CSNK1G1: variants seen among roughly 807,000 people sequenced by gnomAD.
CSNK1G1 encodes casein kinase I isoform gamma-1.
A neutral mutation model predicts 59.6 loss-of-function variants in CSNK1G1; 22 were observed. The observed-to-expected ratio is 0.37, with a 90% CI of 0.26 to 0.53. CSNK1G1 has a LOEUF of 0.53. Ranked by LOEUF, CSNK1G1 falls within the 20% of genes least tolerant of loss-of-function variation. CSNK1G1 has a pLI of 0.89. For missense variants in CSNK1G1, 384 were observed against 519.5 expected (o/e 0.74, Z 2.54); for synonymous variants, 179 against 177.1 (o/e 1.01, Z -0.08).
At chr15:64,339,565 G>A (rs11071792) in intron 1 of CSNK1G1, among the ~76,000 whole-genome samples, 33,582 of 152,004 alleles carry the variant, frequency 0.22, 5,533 homozygotes, top group East Asian at 0.8. Flanking sequence ...CACCCGCCTC[G>A]GCCTCCCAAA....
rs1019166896 is a variant in CSNK1G1, at chr15:64,200,220, A to C, written c.1107+2862T>G. ...AGATCATGCTCCAGCCTTGGTGATA[A>C]GAGCTAAACTCTGTCTCAAAAAAAA... On this transcript the variant is annotated intron_variant, in intron 10 of 11. Transcript: ENST00000303052. This position sits in a 1 kb window ranked among gnomAD's most constrained non-coding sequence, Gnocchi z 4.3. Among the ~76,000 whole-genome samples the C allele has an allele frequency of 2.0e-5, 3 of 152,104 alleles. No homozygotes were observed. Among genetic ancestry groups the C allele is most frequent in the African/African-American group, 7.2e-5 (3 of 41,430 alleles).
At chr15:64,314,512 T>G (rs1424536949) in intron 1 of CSNK1G1, among the ~76,000 whole-genome samples, 1 of 150,684 alleles carries the variant, frequency 6.6e-6, no homozygotes, top group Non-Finnish European at 1.5e-5. Context: ...ATTTATTCTC[T>G]CAGCAATTTT....
intron 10 of CSNK1G1, among the ~76,000 whole-genome samples, chr15:64,191,509 T>C (rs2081970349): frequency 6.6e-6 from 1 of 152,230 alleles, no homozygotes; most frequent in South Asian, 2.1e-4. Flanking sequence ...TCTGGTTTTA[T>C]GCTATTGTCT....
chr15:64,283,372 T>G (rs1566933042), intron 2 of CSNK1G1, among the ~76,000 whole-genome samples: 1 of 151,866 alleles, frequency 6.6e-6, no homozygotes, highest in Admixed American at 6.6e-5. Context: ...AGACGGAGCC[T>G]CACTCTGTCA....
chr15:64,240,731 G>A (rs1223186907), intron 4 of CSNK1G1, among the ~76,000 whole-genome samples: 1 of 151,988 alleles, frequency 6.6e-6, no homozygotes, highest in Non-Finnish European at 1.5e-5. Context: ...TCCCAGACAA[G>A]CAAAAACTGA....
intron 4 of CSNK1G1, among the ~76,000 whole-genome samples, chr15:64,234,317 T>G (rs1434148196): frequency 6.6e-6 from 1 of 152,160 alleles, no homozygotes; most frequent in Non-Finnish European, 1.5e-5. Context: ...AAAATTAGGT[T>G]GCTGTTGCCC....
chr15:64,180,247 G>A (rs1298509362), intron 11 of CSNK1G1, 101 bp downstream of exon 11: 1 of 850,314 alleles, frequency 1.2e-6, no homozygotes, highest in Non-Finnish European at 2.0e-6. Flanking sequence ...GTGGTTACAA[G>A]CATGAGAAAT....
chr15:64,204,613 C>T (rs756776559), intron 8 of CSNK1G1, 24 bp from the exon 9 acceptor site: 1 of 1,608,916 alleles, frequency 6.2e-7, no homozygotes. Flanking sequence ...GATGAAAGGC[C>T]CTGCTCATTA....
intron 10 of CSNK1G1, among the ~76,000 whole-genome samples, chr15:64,194,580 C>T (rs112220010): frequency 0.046 from 6,542 of 143,238 alleles, 189 homozygotes; most frequent in South Asian, 0.084. Flanking sequence ...TGCAGTGGTG[C>T]GATCTCGGCT....
chr15:64,273,948 T>C (rs777331060), intron 2 of CSNK1G1, among the ~76,000 whole-genome samples: 1 of 152,200 alleles, frequency 6.6e-6, no homozygotes, highest in Non-Finnish European at 1.5e-5. Context: ...AAATTCTCAC[T>C]AAACCTAAAA....
intron 1 of CSNK1G1, among the ~76,000 whole-genome samples, chr15:64,321,641 A>G (rs970791369): frequency 7.2e-5 from 11 of 152,202 alleles, no homozygotes; most frequent in Non-Finnish European, 2.9e-5. Flanking sequence ...ATTACTAAAG[A>G]TCTATGGGCT....
At chr15:64,180,278 C>T (rs539439456) in intron 11 of CSNK1G1, 70 bp downstream of exon 11, 10 of 1,113,320 alleles carry the variant, frequency 9.0e-6, no homozygotes, top group African/African-American at 7.6e-5. Flanking sequence ...ACGAGCAGCA[C>T]ACAGAGAGGA....
intron 2 of CSNK1G1, among the ~76,000 whole-genome samples, chr15:64,278,377 C>CGTGTGTGTGTGT (rs56064136): frequency 6.1e-4 from 68 of 111,482 alleles, no homozygotes; most frequent in Non-Finnish European, 8.9e-4. Flanking sequence ...CATGTATGTG[C>CGTGTGTGTGTGT]GTGTGTGTGT....
intron 1 of CSNK1G1, among the ~76,000 whole-genome samples, chr15:64,323,288 T>A (rs1284433777): frequency 6.6e-6 from 1 of 152,166 alleles, no homozygotes; most frequent in African/African-American, 2.4e-5. Context: ...AAATCTGCTA[T>A]GACATTGAAT....
At chr15:64,194,652 G>C (rs1303656191) in intron 10 of CSNK1G1, among the ~76,000 whole-genome samples, 1 of 151,692 alleles carries the variant, frequency 6.6e-6, no homozygotes, top group Non-Finnish European at 1.5e-5. Flanking sequence ...AAGTAGCTGG[G>C]ATTACAGGCA....
chr15:64,180,189 C>G (rs1202672479), intron 11 of CSNK1G1, 159 bp downstream of exon 11: 1 of 585,546 alleles, frequency 1.7e-6, no homozygotes, highest in Non-Finnish European at 3.1e-6. Flanking sequence ...AGGGCAGTAG[C>G]AGCCTTAAGG....
At chr15:64,186,828 T>C (rs935923192) in intron 10 of CSNK1G1, among the ~76,000 whole-genome samples, 3 of 148,734 alleles carry the variant, frequency 2.0e-5, no homozygotes, top group Non-Finnish European at 4.4e-5. Context: ...AATGATTTTT[T>C]TCTCTTTTTT....
At position 64,200,090 on chromosome 15, in the gene CSNK1G1, C is replaced by G. The variant is rs750064649; in HGVS notation, c.1107+2992G>C. The stretch of plus-strand genomic sequence containing the variant: ...TGAAACCCCATCTCCACTAAACATA[C>G]AAAAATTAGCCCGGTGTGGTGGCAG... On this transcript the variant is annotated intron_variant, in intron 10 of 11. Transcript: ENST00000303052. The surrounding 1 kb of genome is among the most constrained non-coding windows in gnomAD (Gnocchi z 4.3). Among the ~76,000 whole-genome samples the G allele has an allele frequency of 4.0e-5, 6 of 151,362 alleles. No homozygotes were observed. The highest frequency in any genetic ancestry group is 8.8e-5 in the Non-Finnish European group (6 of 67,812).
At chr15:64,305,668 A>T (rs1461774657) in intron 1 of CSNK1G1, among the ~76,000 whole-genome samples, 2 of 149,888 alleles carry the variant, frequency 1.3e-5, no homozygotes, top group Admixed American at 1.3e-4. Context: ...GCAGTGCGCT[A>T]TGATAGTGCC....
Sources: allele counts gnomAD v4.1 joint callset (sites outside exome capture counted in the v4.1 genomes callset), GRCh38; gene constraint gnomAD v4.1.1; non-coding constraint Gnocchi (gnomAD v3.1); transcripts MANE v1.5; gene names NCBI Gene and HGNC (gene_info 2026-07-23, HGNC 2026-07-21).